Variants in PDE3B observed in about 807,000 individuals in gnomAD.
PDE3B encodes the protein phosphodiesterase 3B, also known as cGMP-inhibited 3',5'-cyclic phosphodiesterase 3B.
PDE3B carries 66 observed loss-of-function variants against 116.8 expected under a neutral mutation model. The observed-to-expected ratio is 0.56, with a 90% CI of 0.46 to 0.69. PDE3B has a LOEUF of 0.69. Among genes scored for constraint, PDE3B ranks in the 30% least tolerant of loss-of-function variants. The probability of loss-of-function intolerance (pLI) is 0.00; values close to 1 mark genes in which losing one functional copy is unlikely to be tolerated. For synonymous variants in PDE3B, 595 were observed against 533.6 expected (o/e 1.12, Z -1.59); for missense variants, 1,384 against 1,368.1 (o/e 1.01, Z -0.18).
intron 1 of PDE3B, among the ~76,000 whole-genome samples, chr11:14,646,280 C>T (rs1853403802): frequency 6.6e-6 from 1 of 152,178 alleles, no homozygotes; most frequent in East Asian, 1.9e-4. Flanking sequence ...TCTGTCTTCT[C>T]TTCGAAATAA....
At chr11:14,830,532 C>CA (rs1859845008) in intron 7 of PDE3B, among the ~76,000 whole-genome samples, 166 bp from the exon 8 acceptor site, 1 of 151,852 alleles carries the variant, frequency 6.6e-6, no homozygotes, top group South Asian at 2.1e-4. Context: ...GGTATCTAGG[C>CA]AAAATAGCAC....
At chr11:14,879,779 A>G in the PDE3B span, among the ~76,000 whole-genome samples, 10 of 152,180 alleles carry the variant, frequency 6.6e-5, no homozygotes, top group African/African-American at 2.2e-4. Flanking sequence ...TGTGAAAGAC[A>G]TAAGTAATAA....
chr11:14,880,251 G>T, the PDE3B span: 6 of 1,612,884 alleles, frequency 3.7e-6, no homozygotes, highest in Non-Finnish European at 5.1e-6. Context: ...TTTCTTTGGA[G>T]AAAGTAGATG....
At chr11:14,843,340 G>A (rs1213540624) in intron 11 of PDE3B, among the ~76,000 whole-genome samples, 1 of 152,204 alleles carries the variant, frequency 6.6e-6, no homozygotes, top group African/African-American at 2.4e-5. Context: ...TGTAGTTAGG[G>A]CTACAAATGA....
chr11:14,682,729 T>G (rs150757807), intron 1 of PDE3B, among the ~76,000 whole-genome samples: 16 of 152,228 alleles, frequency 1.1e-4, no homozygotes, highest in Middle Eastern at 6.8e-3. Context: ...TGATATTTTA[T>G]TAAGGATTTT....
intron 12 of PDE3B, among the ~76,000 whole-genome samples, chr11:14,852,123 C>A (rs530376191): frequency 6.6e-6 from 1 of 152,254 alleles, no homozygotes; most frequent in East Asian, 1.9e-4. Flanking sequence ...GTGACGTGAT[C>A]TTGGCCCACT....
At chr11:14,781,044 A>G (rs1857981729) in intron 2 of PDE3B, among the ~76,000 whole-genome samples, 3 of 152,234 alleles carry the variant, frequency 2.0e-5, no homozygotes, top group Admixed American at 2.0e-4. Flanking sequence ...ACCCCTAAGC[A>G]AATAAACTAG....
intron 1 of PDE3B, among the ~76,000 whole-genome samples, chr11:14,739,147 A>G (rs1054872993): frequency 2.9e-4 from 44 of 152,170 alleles, no homozygotes; most frequent in Non-Finnish European, 4.9e-4. Context: ...AAGAAAGTCA[A>G]TGGTAGCTTG....
chr11:14,779,736 G>A (rs1043458841), intron 2 of PDE3B, among the ~76,000 whole-genome samples: 146 of 152,186 alleles, frequency 9.6e-4, no homozygotes, highest in Non-Finnish European at 1.8e-3. Context: ...AAAGACCATC[G>A]ATGCTAGGAA....
intron 4 of PDE3B, among the ~76,000 whole-genome samples, 198 bp from the exon 5 acceptor site, chr11:14,803,746 G>A (rs1432945138): frequency 2.6e-5 from 4 of 152,170 alleles, no homozygotes; most frequent in African/African-American, 9.7e-5. Flanking sequence ...CTGCAATAGA[G>A]AACATATAGC....
intron 1 of PDE3B, among the ~76,000 whole-genome samples, chr11:14,702,563 C>T (rs1855396836): frequency 6.6e-6 from 1 of 151,780 alleles, no homozygotes. Context: ...AGCTGGAGCT[C>T]AATACTGCTG....
At position 14,673,848 on chromosome 11, in the gene PDE3B, T is replaced by C. The variant is rs201802064; in HGVS notation, c.978+28795T>C. 8 of 1,270,006 alleles carry C rather than the reference T, an allele frequency of 6.3e-6. No individual in the cohort carries two copies. In the East Asian group the frequency reaches 1.9e-4, roughly 29 times the overall value. 78.7% of individuals were successfully genotyped at this position (1,270,006 alleles called of 1,614,324 possible). A position where few individuals can be genotyped will look rare whatever the true frequency, so the allele number is the denominator to read the frequency against. Reference sequence around the variant, plus strand: ...TTCGGCATACTGTGGTCTCTCAAATTTGTAGAGTAGTTGGGTGCCCAACAT... The same window carrying C: ...TTCGGCATACTGTGGTCTCTCAAATCTGTAGAGTAGTTGGGTGCCCAACAT... On this transcript the variant is annotated intron_variant, in intron 1 of 15. Transcript: ENST00000282096.
At chr11:14,662,099 C>CT (rs1330367720) in intron 1 of PDE3B, among the ~76,000 whole-genome samples, 3 of 152,088 alleles carry the variant, frequency 2.0e-5, no homozygotes, top group Non-Finnish European at 4.4e-5. Flanking sequence ...GGGTACTCCT[C>CT]TGAGACAAAA....
At chr11:14,738,646 T>C (rs760754370) in intron 1 of PDE3B, among the ~76,000 whole-genome samples, 15 of 152,246 alleles carry the variant, frequency 9.9e-5, no homozygotes, top group Non-Finnish European at 5.9e-5. Flanking sequence ...TTGCCATTGC[T>C]TTTTGTATTT....
chr11:14,786,494 G>T lies in PDE3B; in HGVS notation c.1087G>T (p.Val363Leu). Reference protein sequence around the residue: ...LSVLNEARNMVSDLLTDPSLP... With the variant: ...LSVLNEARNMLSDLLTDPSLP... ...AGTGCTAAATGAGGCTCGCAATATG[G>T]TGTCAGATCTTCTGACTGATCCAAG... Residue 363 changes from valine to leucine, a missense_variant, in exon 3 of 16, where the codon GTG becomes TTG. By Grantham distance (32) the Val-to-Leu change is conservative (BLOSUM62 1). Around this residue, in one of 2 missense-constraint regions of PDE3B, gnomAD observed 956 missense variants for 806.8 expected, o/e 1.18. Coordinates refer to ENST00000282096, the MANE Select transcript of PDE3B (RefSeq NM_000922.4). 2 of 1,611,800 alleles carry T rather than the reference G, an allele frequency of 1.2e-6. No homozygotes were observed. The highest frequency in any genetic ancestry group is 1.7e-6 in the Non-Finnish European group (2 of 1,178,166).
rs185970748 is a variant in PDE3B, at chr11:14,684,912, C to T, written c.978+39859C>T. On this transcript the variant is annotated intron_variant, in intron 1 of 15. Coordinates refer to ENST00000282096, the MANE Select transcript of PDE3B (RefSeq NM_000922.4). Reference sequence around the variant, plus strand: ...CATGTTCCCTAAAATTGCTGTTACTCTGTTTTTTTTTCAAGGTGCACTGAT... The same window carrying T: ...CATGTTCCCTAAAATTGCTGTTACTTTGTTTTTTTTTCAAGGTGCACTGAT... Among the ~76,000 whole-genome samples, 50 of 152,092 alleles carry T rather than the reference C, an allele frequency of 3.3e-4. No individual in the cohort carries two copies. In the East Asian group the frequency reaches 5.2e-3, roughly 16 times the overall value.
chr11:14,699,667 T>G (rs1046696021), intron 1 of PDE3B, among the ~76,000 whole-genome samples: 1 of 151,866 alleles, frequency 6.6e-6, no homozygotes, highest in African/African-American at 2.4e-5. Flanking sequence ...GTTTATACTA[T>G]GCCAGTGATG....
chr11:14,891,632 G>C, the PDE3B span: 1 of 1,102,100 alleles, frequency 9.1e-7, no homozygotes, highest in Non-Finnish European at 1.1e-6. Flanking sequence ...CCGCACCTGA[G>C]GGCATGCGTC....
downstream of PDE3B, among the ~76,000 whole-genome samples, chr11:14,872,908 G>A (rs1228975010): frequency 6.6e-6 from 1 of 152,122 alleles, no homozygotes; most frequent in East Asian, 1.9e-4. Flanking sequence ...CATGGAGTTC[G>A]AACCCATGTT....
Sources: gnomAD v4.1 joint callset for allele counts (sites outside exome capture counted in the v4.1 genomes callset) on GRCh38, gnomAD v4.1.1 for gene constraint, gnomAD v4.1.1 regional missense constraint, MANE v1.5 for transcripts, NCBI Gene and HGNC (gene_info 2026-07-23, HGNC 2026-07-21) for gene names.